The following POLR1D variants were observed in gnomAD, a reference collection of about 807,000 sequenced individuals.
The protein encoded by POLR1D is DNA-directed RNA polymerases I and III subunit RPAC2.
Under a neutral mutation model 10.8 loss-of-function variants are expected in POLR1D, and 8 were observed. The observed-to-expected ratio is 0.74, with a 90% CI of 0.43 to 1.33. The LOEUF (loss-of-function observed/expected upper bound fraction) is 1.33. POLR1D is among the 40% of genes most tolerant of loss of function. The pLI is 0.01. For synonymous variants in POLR1D, 54 were observed against 57.2 expected (o/e 0.94, Z 0.25); for missense variants, 152 against 161.7 (o/e 0.94, Z 0.32).
chr13:27,652,894 A>G (rs1176950830), intron 2 of POLR1D, among the ~76,000 whole-genome samples: 5 of 144,142 alleles, frequency 3.5e-5, no homozygotes, highest in Admixed American at 2.1e-4. Flanking sequence ...ACTTGCCAGA[A>G]GTTGCATTTA....
At chr13:27,665,792 A>G (rs1956410256) in exon 3 of POLR1D, 1 of 1,614,126 alleles carries the variant, frequency 6.2e-7, no homozygotes, top group Non-Finnish European at 8.5e-7. Flanking sequence ...AGAGGGCGAT[A>G]AGGAACCAGC....
chr13:27,665,658 G>A, intron 2 of POLR1D: 2 of 1,608,752 alleles, frequency 1.2e-6, no homozygotes, highest in Non-Finnish European at 1.7e-6. Context: ...GATTTGTGAT[G>A]GTTTTTCTTT....
chr13:27,661,879 T>C (rs940664942), intron 2 of POLR1D, among the ~76,000 whole-genome samples: 1 of 152,126 alleles, frequency 6.6e-6, no homozygotes, highest in South Asian at 2.1e-4. Context: ...TGTGGAACAG[T>C]TGGAAATACA....
chr13:27,628,744 G>A (rs1162313021), intron 1 of POLR1D, among the ~76,000 whole-genome samples: 1 of 152,158 alleles, frequency 6.6e-6, no homozygotes, highest in Non-Finnish European at 1.5e-5. Context: ...GTGGGAAGGA[G>A]GATATGTAGG....
chr13:27,645,644 C>A (rs947241532), intron 1 of POLR1D, among the ~76,000 whole-genome samples: 2 of 152,146 alleles, frequency 1.3e-5, no homozygotes, highest in African/African-American at 4.8e-5. Context: ...TCACGCTGCA[C>A]CACTTTGGCT....
At chr13:27,662,233 A>T (rs1454608129) in intron 2 of POLR1D, among the ~76,000 whole-genome samples, 1 of 152,126 alleles carries the variant, frequency 6.6e-6, no homozygotes, top group Non-Finnish European at 1.5e-5. Flanking sequence ...ACTCTTTCTC[A>T]TGAAGAGAGA....
At chr13:27,633,319 C>A (rs1956092025) in intron 1 of POLR1D, among the ~76,000 whole-genome samples, 1 of 152,146 alleles carries the variant, frequency 6.6e-6, no homozygotes, top group African/African-American at 2.4e-5. Context: ...GAGAACTGAC[C>A]CCCGCCAAGG....
chr13:27,650,692 A>G (rs955423702), intron 2 of POLR1D: 2 of 152,250 alleles, frequency 1.3e-5, no homozygotes, highest in African/African-American at 4.8e-5. Context: ...TCAAAGACCA[A>G]TGTACTCATT....
At chr13:27,648,677 G>C (rs1431448402) in intron 2 of POLR1D, among the ~76,000 whole-genome samples, 1 of 152,198 alleles carries the variant, frequency 6.6e-6, no homozygotes, top group African/African-American at 2.4e-5. Flanking sequence ...CGCAGTATAG[G>C]TTCATTGTCC....
intron 1 of POLR1D, among the ~76,000 whole-genome samples, chr13:27,641,997 G>A (rs1046366595): frequency 5.9e-5 from 9 of 152,148 alleles, no homozygotes; most frequent in Non-Finnish European, 1.2e-4. Flanking sequence ...CAGGCCAGTG[G>A]CCCCACTGTG....
At chr13:27,649,577 A>G (rs1444574403) in intron 2 of POLR1D, among the ~76,000 whole-genome samples, 1 of 152,232 alleles carries the variant, frequency 6.6e-6, no homozygotes, top group Non-Finnish European at 1.5e-5. Flanking sequence ...AAGATTTAAC[A>G]TGAAAATTTT....
Position 27,646,470 on chromosome 13 carries a change from C to T in POLR1D, c.27-1909C>T, listed in dbSNP as rs190614597. Among the ~76,000 whole-genome samples the T allele has an allele frequency of 5.9e-5, 9 of 152,230 alleles. No individual in the cohort carries two copies. In the East Asian group the frequency reaches 1.4e-3, roughly 23 times the overall value. Reference sequence around the variant, plus strand: ...ATATGTGGTCATCAGATGAACTTACCTCTTTGTGATTCCATAAGAGGTTGG... The same window carrying T: ...ATATGTGGTCATCAGATGAACTTACTTCTTTGTGATTCCATAAGAGGTTGG... On this transcript the variant is annotated intron_variant, in intron 1 of 2. Coordinates refer to the POLR1D transcript ENST00000399697.
downstream of POLR1D, among the ~76,000 whole-genome samples, chr13:27,624,489 A>C (rs1024133608): frequency 6.6e-5 from 10 of 152,166 alleles, no homozygotes; most frequent in Non-Finnish European, 1.3e-4. Context: ...TTCTTTAAAG[A>C]GATATCCATA....
At chr13:27,665,872 C>T in exon 3 of POLR1D, 1 of 1,614,050 alleles carries the variant, frequency 6.2e-7, no homozygotes, top group Non-Finnish European at 8.5e-7. Context: ...ACAGCTTCCG[C>T]GCTCGAGGTT....
chr13:27,627,575 C>G (rs1371085663), downstream of POLR1D, among the ~76,000 whole-genome samples: 3 of 152,096 alleles, frequency 2.0e-5, no homozygotes, highest in Non-Finnish European at 4.4e-5. Flanking sequence ...GCTGAAACAT[C>G]TATTCTTTCA....
upstream of POLR1D, chr13:27,621,874 C>A (rs2232677): frequency 0.067 from 77,863 of 1,163,736 alleles, 2,903 homozygotes; most frequent in South Asian, 0.083. Context: ...CCGTCCTCCG[C>A]GCCTTCCGTC....
upstream of POLR1D, chr13:27,621,808 A>G (rs886050105): frequency 2.4e-5 from 15 of 621,340 alleles, no homozygotes; most frequent in East Asian, 4.4e-4. Flanking sequence ...GTGGAGCCTC[A>G]TGCCCCGCCC....
intron 1 of POLR1D, among the ~76,000 whole-genome samples, chr13:27,630,348 C>T (rs1305689841): frequency 6.6e-6 from 1 of 152,154 alleles, no homozygotes. Flanking sequence ...AATGCCCCCA[C>T]CAATTTTATT....
At chr13:27,623,845 T>C (rs796148266), downstream of POLR1D, among the ~76,000 whole-genome samples, 1 of 152,334 alleles carries the variant, frequency 6.6e-6, no homozygotes, top group African/African-American at 2.4e-5. Flanking sequence ...GCTCCATCTT[T>C]GAGGCATTTA....
Sources: gnomAD v4.1 joint callset for allele counts (sites outside exome capture counted in the v4.1 genomes callset) on GRCh38, gnomAD v4.1.1 for gene constraint, MANE v1.5 for transcripts, NCBI Gene and HGNC (gene_info 2026-07-23, HGNC 2026-07-21) for gene names.